The following SLC39A8 variants were observed in gnomAD, a reference collection of about 807,000 sequenced individuals.
The protein encoded by SLC39A8 is solute carrier family 39 member 8, also known as metal cation symporter ZIP8.
In SLC39A8, 15 loss-of-function variants were observed where a neutral mutation model predicts 40.4. The ratio of observed to expected loss-of-function variants is 0.37; its 90% confidence interval spans 0.25 to 0.57. The LOEUF (loss-of-function observed/expected upper bound fraction) is 0.57. Ranked by LOEUF, SLC39A8 falls within the 20% of genes least tolerant of loss-of-function variation. The probability of loss-of-function intolerance (pLI) is 0.75; values close to 1 mark genes in which losing one functional copy is unlikely to be tolerated. For synonymous variants in SLC39A8, 223 were observed against 221.6 expected (o/e 1.01, Z -0.06); for missense variants, 472 against 558.8 (o/e 0.84, Z 1.57).
intron 6 of SLC39A8, among the ~76,000 whole-genome samples, chr4:102,271,026 T>TGAG (rs201667134): frequency 4.7e-5 from 7 of 150,020 alleles, no homozygotes; most frequent in Admixed American, 3.3e-4. Context: ...AGAAGTAGCA[T>TGAG]GAGGAGGAGG....
chr4:102,344,472 G>T lies in SLC39A8; in HGVS notation c.191C>A (p.Pro64Gln). 3 of 1,546,352 alleles carry T rather than the reference G, an allele frequency of 1.9e-6. 1 individual carries two copies. In the South Asian group the frequency reaches 3.6e-5, roughly 19 times the overall value. ...QMGAASRVGVPEPGQLHFNQC... is the reference protein window; with the variant it reads ...QMGAASRVGVQEPGQLHFNQC... ...GTTGAAGTGCAGCTGGCCAGGCTCCGGGACGCCCACGCGGGAGGCGGCTCC... is the reference window on the plus strand; with the variant it reads ...GTTGAAGTGCAGCTGGCCAGGCTCCTGGACGCCCACGCGGGAGGCGGCTCC... The change falls in exon 2 of 9, where the codon CCG becomes CAG. Residue 64 changes from proline to glutamine, a missense_variant. By Grantham distance (76) the Pro-to-Gln change is moderately conservative. Transcript: ENST00000356736.
intron 2 of SLC39A8, among the ~76,000 whole-genome samples, chr4:102,322,443 C>T (rs1309695833): frequency 6.6e-6 from 1 of 152,106 alleles, no homozygotes; most frequent in Admixed American, 6.6e-5. Flanking sequence ...ATTTAAAAGT[C>T]ACTTTTAAAA....
Position 102,345,399 on chromosome 4 carries a change from T to C in SLC39A8, c.-308A>G. ...GCGTCTTTCTCTCTGCGTGTCAACG[T>C]AAGACTCGGTCTCTGGATCTCTCTC... is the stretch of plus-strand genomic sequence containing the variant. On this transcript the variant is annotated 5_prime_UTR_variant, in exon 1 of 9. Coordinates refer to ENST00000356736, the MANE Select transcript of SLC39A8 (RefSeq NM_001135146.2). 6.6e-6 allele frequency: 1 copy of C among 152,024 alleles called. No homozygotes were observed. The highest frequency in any genetic ancestry group is 1.9e-4 in the East Asian group (1 of 5,342). 9.4% of individuals were successfully genotyped at this position (152,024 alleles called of 1,614,324 possible).
Position 102,262,950 on chromosome 4 carries a change from C to G in SLC39A8, c.*94G>C. 6.8e-7 allele frequency: 1 copy of G among 1,460,940 alleles called. No individual in the cohort carries two copies. The highest frequency in any genetic ancestry group is 9.0e-7 in the Non-Finnish European group (1 of 1,110,244). The allele number at this position is 1,460,940 out of a possible 1,614,324, so 90.5% of individuals were successfully genotyped here. A position where few individuals can be genotyped will look rare whatever the true frequency, so the allele number is the denominator to read the frequency against. On this transcript the variant is annotated 3_prime_UTR_variant, in exon 9 of 9. Coordinates refer to ENST00000356736, the MANE Select transcript of SLC39A8 (RefSeq NM_001135146.2). Reference sequence around the variant, plus strand: ...GACCTACAGTTGAAAGCAAAATTATCTTTTTAACTAAATAGGATCAGCTTC... The same window carrying G: ...GACCTACAGTTGAAAGCAAAATTATGTTTTTAACTAAATAGGATCAGCTTC...
intron 8 of SLC39A8, among the ~76,000 whole-genome samples, chr4:102,265,801 G>A (rs1047140658): frequency 1.3e-5 from 2 of 152,112 alleles, no homozygotes; most frequent in African/African-American, 4.8e-5. Context: ...TCAATCAGTG[G>A]GATGGAATTT....
intron 6 of SLC39A8, among the ~76,000 whole-genome samples, chr4:102,291,522 A>C (rs1188415318): frequency 1.3e-5 from 2 of 152,014 alleles, no homozygotes; most frequent in Non-Finnish European, 2.9e-5. Context: ...TATTATTCTC[A>C]TTCGTCTGAG....
chr4:102,340,235 C>A (rs890937555), intron 2 of SLC39A8, among the ~76,000 whole-genome samples: 1 of 152,098 alleles, frequency 6.6e-6, no homozygotes, highest in Non-Finnish European at 1.5e-5. Flanking sequence ...CCATGCCCTT[C>A]AACTTGTTAA....
chr4:102,255,758 A>T (rs569479105), intron 11 of SLC39A8, among the ~76,000 whole-genome samples: 46 of 152,302 alleles, frequency 3.0e-4, no homozygotes, highest in African/African-American at 1.0e-3. Context: ...TACTCCAAAC[A>T]TATCCAGCAA....
At chr4:102,344,422 T>A in intron 2 of SLC39A8, 22 bp downstream of exon 2, 1 of 1,494,728 alleles carries the variant, frequency 6.7e-7, no homozygotes, top group African/African-American at 1.4e-5. Flanking sequence ...TACGGAGGGC[T>A]GCCCGGACCT....
At chr4:102,302,756 T>C (rs1733977090) in intron 6 of SLC39A8, among the ~76,000 whole-genome samples, 1 of 152,014 alleles carries the variant, frequency 6.6e-6, no homozygotes, top group Non-Finnish European at 1.5e-5. Flanking sequence ...ACTTGCCCCC[T>C]AGGTTATTAG....
At chr4:102,281,450 C>G (rs1732865318) in intron 6 of SLC39A8, among the ~76,000 whole-genome samples, 1 of 152,112 alleles carries the variant, frequency 6.6e-6, no homozygotes, top group African/African-American at 2.4e-5. Context: ...AGATCCCACT[C>G]AATATACTCC....
At position 102,344,819 on chromosome 4, in the gene SLC39A8, T is replaced by G. The variant is rs1428272496; in HGVS notation, c.-157A>C. 2.4e-5 allele frequency: 32 copies of G among 1,321,518 alleles called. No individual in the cohort carries two copies. The highest frequency in any genetic ancestry group is 3.0e-5 in the Non-Finnish European group (31 of 1,040,694). The allele number at this position is 1,321,518 out of a possible 1,614,324, so 81.9% of individuals were successfully genotyped here. A position where few individuals can be genotyped will look rare whatever the true frequency, so the allele number is the denominator to read the frequency against. On this transcript the variant is annotated 5_prime_UTR_variant, in exon 2 of 9. Coordinates refer to ENST00000356736, the MANE Select transcript of SLC39A8 (RefSeq NM_001135146.2). Reference sequence around the variant, plus strand: ...GGACGCCCCTGGTTCTCCGACGCCTTCGAAAGAACAGCAGCTCGCGACCTG... The same window carrying G: ...GGACGCCCCTGGTTCTCCGACGCCTGCGAAAGAACAGCAGCTCGCGACCTG...
chr4:102,321,371 C>T lies in SLC39A8; in HGVS notation c.220-5541G>A, dbSNP rs58950513. On this transcript the variant is annotated intron_variant, in intron 2 of 8. Transcript: ENST00000356736. Reference sequence around the variant, plus strand: ...CTCGGAGAATCTCTACCTGCCTGAGCAGTGGGAGAATAGGATGGAGCCATG... The same window carrying T: ...CTCGGAGAATCTCTACCTGCCTGAGTAGTGGGAGAATAGGATGGAGCCATG... Among the ~76,000 whole-genome samples, 139 of 152,268 alleles carry T rather than the reference C, an allele frequency of 9.1e-4. 1 individual carries two copies. Among genetic ancestry groups the T allele is most frequent in the African/African-American group, 3.1e-3 (128 of 41,548 alleles).
At chr4:102,318,257 G>C (rs1323758669) in intron 2 of SLC39A8, among the ~76,000 whole-genome samples, 1 of 152,080 alleles carries the variant, frequency 6.6e-6, no homozygotes, top group East Asian at 1.9e-4. Flanking sequence ...AATTTTAGCT[G>C]GACAGGTGGT....
At chr4:102,303,342 T>A (rs759650046) in intron 6 of SLC39A8, among the ~76,000 whole-genome samples, 2 of 151,942 alleles carry the variant, frequency 1.3e-5, no homozygotes, top group African/African-American at 4.8e-5. Flanking sequence ...CTTGATACCA[T>A]TAAAGGGGCC....
intron 6 of SLC39A8, among the ~76,000 whole-genome samples, chr4:102,271,192 G>A (rs570889148): frequency 6.6e-6 from 1 of 152,020 alleles, no homozygotes; most frequent in Non-Finnish European, 1.5e-5. Context: ...TGAGTAAGAG[G>A]AGCAGGAAGA....
At chr4:102,288,013 T>C (rs1039349108) in intron 6 of SLC39A8, among the ~76,000 whole-genome samples, 2 of 152,144 alleles carry the variant, frequency 1.3e-5, no homozygotes, top group African/African-American at 2.4e-5. Context: ...TTATTTCTAT[T>C]AGTTATTCAG....
At chr4:102,307,897 G>A (rs943037762) in intron 3 of SLC39A8, among the ~76,000 whole-genome samples, 19 of 151,830 alleles carry the variant, frequency 1.3e-4, no homozygotes, top group Non-Finnish European at 2.4e-4. Context: ...AGCGAACAGC[G>A]ACAAACAATC....
intron 11 of SLC39A8, among the ~76,000 whole-genome samples, chr4:102,255,868 C>T (rs1438927116): frequency 6.6e-6 from 1 of 152,160 alleles, no homozygotes; most frequent in Admixed American, 6.5e-5. Flanking sequence ...TTCTAAAATG[C>T]TTTGAACTTT....
Sources: allele counts gnomAD v4.1 joint callset (sites outside exome capture counted in the v4.1 genomes callset), GRCh38; gene constraint gnomAD v4.1.1; transcripts MANE v1.5; gene names NCBI Gene and HGNC (gene_info 2026-07-23, HGNC 2026-07-21).